The following LRRC47 variants were observed in gnomAD, a reference collection of about 807,000 sequenced individuals.
LRRC47 encodes the protein leucine rich repeat containing 47.
A neutral mutation model predicts 40.9 loss-of-function variants in LRRC47; 31 were observed. That is an observed-to-expected ratio of 0.76 (90% CI 0.57 to 1.02). The LOEUF (loss-of-function observed/expected upper bound fraction) is 1.02, where lower values mean the gene tolerates loss of function less well. LRRC47 is among the 50% of genes least tolerant of loss of function. The pLI, the probability that LRRC47 is intolerant of heterozygous loss-of-function variation, is 0.00. For missense variants in LRRC47, 726 were observed against 796.1 expected, an observed-to-expected ratio of 0.91 and a Z score of 1.06; for synonymous variants, 427 against 371.9, an observed-to-expected ratio of 1.15 and a Z score of -1.70.
At position 3,787,218 on chromosome 1, in the gene LRRC47, C is replaced by T. The variant is rs781017236; in HGVS notation, c.708G>A (p.Lys236=). ...TCTTCTCCAGGCGCTTGTCCCTCAG[C>T]TTGTTCCCACGGAAATTGATCTCCT... is the stretch of plus-strand genomic sequence containing the variant. ...KLKEINFRGN[K]LRDKRLEKMV... Residue 236 remains lysine, a synonymous_variant, in exon 2 of 7, where the codon AAG becomes AAA. Coordinates refer to ENST00000378251, the MANE Select transcript of LRRC47 (RefSeq NM_020710.3). 7 of 1,613,856 alleles carry T rather than the reference C, an allele frequency of 4.3e-6. No individual in the cohort carries two copies. The Admixed American group carries it at 6.7e-5, about 15-fold the overall frequency.
intron 5 of LRRC47, among the ~76,000 whole-genome samples, chr1:3,782,019 C>A (rs1410462016): frequency 1.3e-5 from 2 of 152,128 alleles, no homozygotes; most frequent in East Asian, 3.9e-4. Context: ...CACACCAAGC[C>A]CACTCCTTAC....
At chr1:3,791,298 G>A (rs1457934919) in intron 1 of LRRC47, among the ~76,000 whole-genome samples, 1 of 152,218 alleles carries the variant, frequency 6.6e-6, no homozygotes, top group Non-Finnish European at 1.5e-5. Flanking sequence ...ACAATGACCA[G>A]CACTACCTCC....
chr1:3,787,143 T>C lies in LRRC47; in HGVS notation c.783A>G (p.Gly261=). Residue 261 remains glycine (G), a synonymous_variant, in exon 2 of 7, where the codon GGA becomes GGG. Transcript: ENST00000378251. ...TRSILEYLRV[G]GRGGGKGKGR... is the part of the protein sequence containing the mutation. ...CCTTGCCCTTCCCGCCACCACGGCCTCCGACGCGCAGGTACTCCAGGATGG... is the reference window on the plus strand; with the variant it reads ...CCTTGCCCTTCCCGCCACCACGGCCCCCGACGCGCAGGTACTCCAGGATGG... The C allele has an allele frequency of 6.2e-7, 1 of 1,613,754 alleles. No homozygotes were observed. The highest frequency in any genetic ancestry group is 8.5e-7 in the Non-Finnish European group (1 of 1,180,008).
intron 1 of LRRC47, among the ~76,000 whole-genome samples, chr1:3,792,805 A>G (rs1643639854): frequency 6.6e-6 from 1 of 152,230 alleles, no homozygotes; most frequent in South Asian, 2.1e-4. Context: ...TTGAAGAGAA[A>G]TATTGCAACT....
In LRRC47 at chr1:3,796,075, G is replaced by T; in HGVS notation, c.402C>A (p.Leu134=). 1 of 1,522,082 alleles carries T rather than the reference G, an allele frequency of 6.6e-7. No individual in the cohort carries two copies. 94.3% of individuals were successfully genotyped at this position (1,522,082 alleles called of 1,614,324 possible). ...CGCGCAGCCGGTTGCCGCTGAGGTT[G>T]AGGCTCTGCAGCTGCGGAAGGCCCG... ...EPPGLPQLQS[L]NLSGNRLREL... The change falls in exon 1 of 7, where the codon CTC becomes CTA. Residue 134 remains leucine (L), a synonymous_variant. Transcript: ENST00000378251.
At chr1:3,793,360 T>C (rs2124615191) in intron 1 of LRRC47, among the ~76,000 whole-genome samples, 1 of 152,304 alleles carries the variant, frequency 6.6e-6, no homozygotes, top group South Asian at 2.1e-4. Flanking sequence ...CCCAAACTGC[T>C]GGGATTACAG....
intron 1 of LRRC47, among the ~76,000 whole-genome samples, chr1:3,789,532 A>C (rs1643608309): frequency 6.6e-6 from 1 of 152,236 alleles, no homozygotes; most frequent in Non-Finnish European, 1.5e-5. Flanking sequence ...CGCCCAGAGC[A>C]GCCACAGCCA....
rs964782343 is a variant in LRRC47, at chr1:3,786,432, G to A, written c.1077+417C>T. 2.8e-4 allele frequency among the ~76,000 whole-genome samples: 42 copies of A among 152,076 alleles called. 1 individual carries two copies. The highest frequency in any genetic ancestry group is 1.9e-3 in the Admixed American group (29 of 15,258). The stretch of plus-strand genomic sequence containing the variant: ...GGAGAATCACTTGAACCCAGGAGGC[G>A]GACGCTACAGTGAGATTAGACTGCG... On this transcript the variant is annotated intron_variant, in intron 2 of 6. Coordinates refer to ENST00000378251, the MANE Select transcript of LRRC47 (RefSeq NM_020710.3).
At chr1:3,791,565 T>C (rs984068057) in intron 1 of LRRC47, among the ~76,000 whole-genome samples, 1 of 152,210 alleles carries the variant, frequency 6.6e-6, no homozygotes, top group African/African-American at 2.4e-5. Context: ...CAAGCAATTC[T>C]CCTGCCTCAG....
chr1:3,787,407 G>A, intron 1 of LRRC47, 97 bp from the exon 2 acceptor site: 1 of 1,214,076 alleles, frequency 8.2e-7, no homozygotes. Context: ...TCACTCACAA[G>A]AGCCACCACT....
chr1:3,787,746 AT>A (rs1404545106), intron 1 of LRRC47, among the ~76,000 whole-genome samples: 1 of 151,924 alleles, frequency 6.6e-6, no homozygotes, highest in Admixed American at 6.6e-5. Context: ...AAGTGGTGTT[AT>A]TTTTTTTAAT....
At position 3,796,020 on chromosome 1, in the gene LRRC47, G is replaced by T; in HGVS notation, c.457C>A (p.Pro153Thr). ...ELPADLARCAPRLQSLNLTGN... is the reference protein window; with the variant it reads ...ELPADLARCATRLQSLNLTGN... ...GTGAGGTTGAGGCTCTGCAGGCGCG[G>T]GGCGCAGCGCGCCAGGTCGGCTGGC... Residue 153 changes from proline (P) to threonine (T), a missense_variant, in exon 1 of 7, where the codon CCG (proline) becomes ACG (threonine). Transcript: ENST00000378251. 6.4e-7 allele frequency: 1 copy of T among 1,550,472 alleles called. No homozygotes were observed. The highest frequency in any genetic ancestry group is 2.4e-5 in the East Asian group (1 of 41,202).
In LRRC47 at chr1:3,787,011, G is replaced by A; in HGVS notation, c.915C>T (p.Gly305=). 3 of 1,611,572 alleles carry A rather than the reference G, an allele frequency of 1.9e-6. No individual in the cohort carries two copies. The highest frequency in any genetic ancestry group is 2.5e-6 in the Non-Finnish European group (3 of 1,178,988). ...CGTGCAGGACCCTGAGCAGCAGCCGGCCGGCATCTCCCACGTCCTGCTCCT... is the reference window on the plus strand; with the variant it reads ...CGTGCAGGACCCTGAGCAGCAGCCGACCGGCATCTCCCACGTCCTGCTCCT... The part of the protein sequence containing the change: ...DGEEQDVGDA[G]RLLLRVLHVS... Residue 305 remains glycine, a synonymous_variant, in exon 2 of 7, where the codon GGC becomes GGT. Transcript: ENST00000378251.
intron 3 of LRRC47, 83 bp from the exon 4 acceptor site, chr1:3,784,194 A>C: frequency 8.5e-7 from 1 of 1,176,912 alleles, no homozygotes; most frequent in Non-Finnish European, 1.2e-6. Flanking sequence ...TTAAGCCTCA[A>C]TGAGCCCTCC....
intron 1 of LRRC47, among the ~76,000 whole-genome samples, chr1:3,790,087 C>T (rs963963987): frequency 5.9e-5 from 9 of 152,228 alleles, no homozygotes; most frequent in East Asian, 1.9e-4. Context: ...ACACAACCCT[C>T]GCAGTGGCTA....
At chr1:3,783,092 C>A in intron 4 of LRRC47, 3 of 230,048 alleles carry the variant, frequency 1.3e-5, no homozygotes, top group Non-Finnish European at 1.7e-5. Context: ...GCCTGGGCAA[C>A]ATGGCGCGAC....
chr1:3,789,008 G>A (rs563155383), intron 1 of LRRC47, among the ~76,000 whole-genome samples: 6 of 152,354 alleles, frequency 3.9e-5, no homozygotes, highest in African/African-American at 1.4e-4. Flanking sequence ...AGCACAGGGT[G>A]GGCTGGGCTG....
At position 3,779,696 on chromosome 1, in the gene LRRC47, A is replaced by T. The variant is rs1237995211; in HGVS notation, c.*1392T>A. 1 of 152,128 alleles carries T rather than the reference A, an allele frequency of 6.6e-6. No homozygotes were observed. 9.4% of individuals were successfully genotyped at this position (152,128 alleles called of 1,614,324 possible). On this transcript the variant is annotated 3_prime_UTR_variant, in exon 7 of 7. Transcript: ENST00000378251. ...CCATCTGTCCCTCGGCTGGCTGAGG[A>T]CTGCCGATGCTTCCCAAGCAGAGGC...
At position 3,787,020 on chromosome 1, in the gene LRRC47, TC is replaced by T. The variant is rs34143988; in HGVS notation, c.905del (p.Gly302GlufsTer20). 6.2e-7 allele frequency: 1 copy of T among 1,611,774 alleles called. No individual in the cohort carries two copies. Among genetic ancestry groups the T allele is most frequent in the Non-Finnish European group, 8.5e-7 (1 of 1,179,078 alleles). On this transcript the variant is annotated frameshift_variant, in exon 2 of 7. Coordinates refer to ENST00000378251, the MANE Select transcript of LRRC47 (RefSeq NM_020710.3). LOFTEE classifies it high-confidence loss of function. ...CCCTGAGCAGCAGCCGGCCGGCATC[TC>T]CCACGTCCTGCTCCTCCCCATCACC... ...EGGDGEEQDV[G>X]DAGRLLLRVL... is the part of the protein sequence containing the mutation.
Sources: gnomAD v4.1 joint callset for allele counts (sites outside exome capture counted in the v4.1 genomes callset) on GRCh38, gnomAD v4.1.1 for gene constraint, MANE v1.5 for transcripts, NCBI Gene and HGNC (gene_info 2026-07-23, HGNC 2026-07-21) for gene names.